The following MAGI1 variants were observed in gnomAD, a reference collection of about 807,000 sequenced individuals.
The protein encoded by MAGI1 is membrane associated guanylate kinase, WW and PDZ domain containing 1, also known as membrane-associated guanylate kinase, WW and PDZ domain-containing protein 1.
MAGI1 carries 58 observed loss-of-function variants against 139.9 expected under a neutral mutation model. That is an observed-to-expected ratio of 0.41 (90% CI 0.34 to 0.52). The LOEUF is 0.52. Among genes scored for constraint, MAGI1 ranks in the 20% least tolerant of loss-of-function variants. MAGI1 has a pLI of 0.12. For synonymous variants in MAGI1, 812 were observed against 737.9 expected, an observed-to-expected ratio of 1.10 and a Z score of -1.63; for missense variants, 1,874 against 1,901.6, an observed-to-expected ratio of 0.99 and a Z score of 0.27.
chr3:65,473,246 T>C (rs1254644261), intron 4 of MAGI1, among the ~76,000 whole-genome samples: 1 of 152,144 alleles, frequency 6.6e-6, no homozygotes, highest in Non-Finnish European at 1.5e-5. Context: ...AGAAGAAGGA[T>C]AGGTTATAAC....
intron 1 of MAGI1, among the ~76,000 whole-genome samples, chr3:66,037,158 T>G (rs2068971338): frequency 6.6e-6 from 1 of 152,174 alleles, no homozygotes; most frequent in Non-Finnish European, 1.5e-5. Flanking sequence ...AATCCCAGTT[T>G]CCTTATCTCT....
intron 1 of MAGI1, among the ~76,000 whole-genome samples, chr3:65,944,994 C>T (rs980513808): frequency 8.6e-5 from 13 of 152,014 alleles, no homozygotes; most frequent in African/African-American, 2.9e-4. Flanking sequence ...AAATAGAGGA[C>T]GGGAACCAAA....
At position 65,493,444 on chromosome 3, in the gene MAGI1, T is replaced by C; in HGVS notation, c.550+68A>G. ...CCAGATTCCACAAAACATTTTTGCC[T>C]GGATGGCTCTGGCTCCTCTCAAGTA... On this transcript the variant is annotated intron_variant, in intron 3 of 22. Transcript: ENST00000402939. 3.8e-6 allele frequency: 6 copies of C among 1,593,710 alleles called. No individual in the cohort carries two copies. The South Asian group carries it at 4.5e-5, about 12-fold the overall frequency.
intron 1 of MAGI1, among the ~76,000 whole-genome samples, chr3:65,624,677 T>G (rs2083871145): frequency 6.6e-6 from 1 of 152,112 alleles, no homozygotes; most frequent in South Asian, 2.1e-4. Context: ...GGGAATAAAA[T>G]CTATGGATCT....
chr3:65,710,269 C>CT (rs1175790063), intron 1 of MAGI1, among the ~76,000 whole-genome samples: 2,219 of 66,990 alleles, frequency 0.033, 360 homozygotes, highest in Admixed American at 0.048. Context: ...CCTTACATTT[C>CT]TTTTTTTTTT....
At chr3:65,592,258 A>G (rs1354762274) in intron 2 of MAGI1, among the ~76,000 whole-genome samples, 1 of 152,254 alleles carries the variant, frequency 6.6e-6, no homozygotes, top group Admixed American at 6.5e-5. Context: ...ATTAGAAAGA[A>G]TAAAGTAGGC....
intron 1 of MAGI1, among the ~76,000 whole-genome samples, chr3:65,900,604 G>A (rs1341039089): frequency 2.6e-5 from 4 of 152,172 alleles, no homozygotes; most frequent in African/African-American, 9.7e-5. Context: ...GGCGTGAAGA[G>A]GGAGTTAGTA....
intron 1 of MAGI1, among the ~76,000 whole-genome samples, chr3:65,780,611 T>A (rs565437551): frequency 2.6e-5 from 4 of 152,236 alleles, no homozygotes; most frequent in African/African-American, 7.2e-5. Flanking sequence ...CCTCTTTGAG[T>A]GAAGAATCCA....
In MAGI1 at chr3:65,579,643, C is replaced by T. The variant is rs2081327066; in HGVS notation, c.430+42329G>A. Among the ~76,000 whole-genome samples the T allele has an allele frequency of 3.3e-5, 5 of 152,166 alleles. No homozygotes were observed. The South Asian group carries it at 6.2e-4, about 19-fold the overall frequency. ...GGTAGGTCACCTTAGGTCAGCAGTT[C>T]GAGACCAGCCTGGCCAACATAGTGA... On this transcript the variant is annotated intron_variant, in intron 2 of 22. Transcript: ENST00000402939.
intron 1 of MAGI1, among the ~76,000 whole-genome samples, chr3:65,969,628 T>C (rs1198442359): frequency 6.6e-6 from 1 of 152,172 alleles, no homozygotes; most frequent in Non-Finnish European, 1.5e-5. Flanking sequence ...CATAAGCTTG[T>C]GGTTTAAGGA....
chr3:65,859,910 T>TG (rs201665278), intron 1 of MAGI1, among the ~76,000 whole-genome samples: 2 of 94,088 alleles, frequency 2.1e-5, no homozygotes, highest in South Asian at 3.4e-4. Context: ...GTTTTTGTTT[T>TG]TTTTTTTTTG....
At position 65,530,798 on chromosome 3, in the gene MAGI1, TATATATACACAC is replaced by T. The variant is rs1478705476; in HGVS notation, c.431-37179_431-37168del. ...ACACACATATATATACACGTATATA[TATATATACACAC>T]ATATATATACACGTATATATATATA... On this transcript the variant is annotated intron_variant, in intron 2 of 22. Transcript: ENST00000402939. Among the ~76,000 whole-genome samples, 8 of 89,106 alleles carry T rather than the reference TATATATACACAC, an allele frequency of 9.0e-5. 1 individual carries two copies. The highest frequency in any genetic ancestry group is 4.0e-4 in the African/African-American group (6 of 14,964). The allele number at this position is 89,106 out of a possible 152,430, so 58.5% of individuals were successfully genotyped here.
chr3:65,716,225 C>T (rs531302576), intron 1 of MAGI1, among the ~76,000 whole-genome samples: 20 of 152,292 alleles, frequency 1.3e-4, no homozygotes, highest in African/African-American at 4.6e-4. Flanking sequence ...TAGTTTCACA[C>T]AGAGAATGAT....
intron 2 of MAGI1, among the ~76,000 whole-genome samples, chr3:65,514,971 A>T (rs1379868441): frequency 6.7e-5 from 10 of 150,078 alleles, no homozygotes; most frequent in South Asian, 2.2e-4. Flanking sequence ...ATGGAGTACT[A>T]TGCAGCCATA....
intron 2 of MAGI1, among the ~76,000 whole-genome samples, chr3:65,559,764 T>C (rs898768249): frequency 6.6e-6 from 1 of 152,196 alleles, no homozygotes; most frequent in Non-Finnish European, 1.5e-5. Context: ...TGGCCTGGCA[T>C]GGTGGCTCAC....
chr3:65,591,080 G>A (rs1309116761), intron 2 of MAGI1, among the ~76,000 whole-genome samples: 4 of 152,164 alleles, frequency 2.6e-5, no homozygotes, highest in South Asian at 2.1e-4. Flanking sequence ...TTTCATCACC[G>A]TTTCCATCAT....
At chr3:65,920,395 A>G (rs1359630233) in intron 1 of MAGI1, among the ~76,000 whole-genome samples, 2 of 152,218 alleles carry the variant, frequency 1.3e-5, no homozygotes, top group East Asian at 3.9e-4. Flanking sequence ...TGGATCTTCC[A>G]TCAAATTCTG....
chr3:65,639,599 T>G (rs1161642191), intron 1 of MAGI1, among the ~76,000 whole-genome samples: 2 of 152,164 alleles, frequency 1.3e-5, no homozygotes, highest in Non-Finnish European at 2.9e-5. Flanking sequence ...GGTTAACATT[T>G]GTATCAACGG....
chr3:65,398,099 T>C (rs963914217), intron 13 of MAGI1, among the ~76,000 whole-genome samples: 2 of 152,188 alleles, frequency 1.3e-5, no homozygotes, highest in African/African-American at 4.8e-5. Context: ...TTATTTATTA[T>C]AGTATTTCCA....
Sources: allele counts gnomAD v4.1 joint callset (sites outside exome capture counted in the v4.1 genomes callset), GRCh38; gene constraint gnomAD v4.1.1; transcripts MANE v1.5; gene names NCBI Gene and HGNC (gene_info 2026-07-23, HGNC 2026-07-21).